The following TRPA1 variants were observed in gnomAD, a reference collection of about 807,000 sequenced individuals.
TRPA1 encodes the protein ankyrin-like with transmembrane domains 1.
In TRPA1, 129 loss-of-function variants were observed where a neutral mutation model predicts 131.3. The ratio of observed to expected loss-of-function variants is 0.98; its 90% CI spans 0.85 to 1.14. The LOEUF is 1.14. Among genes scored for constraint, TRPA1 ranks in the 50% most tolerant of loss-of-function variants. TRPA1 has a pLI of 0.00. For missense variants in TRPA1, 1,304 were observed against 1,354.2 expected (o/e 0.96, Z 0.58); for synonymous variants, 441 against 451.7 (o/e 0.98, Z 0.30).
intron 17 of TRPA1, among the ~76,000 whole-genome samples, chr8:72,043,151 C>G (rs1208458763): frequency 6.6e-6 from 1 of 151,850 alleles, no homozygotes; most frequent in Non-Finnish European, 1.5e-5. Flanking sequence ...TCTCACCACA[C>G]CTAAGCCTCA....
chr8:72,089,406 A>T, the TRPA1 span, among the ~76,000 whole-genome samples: 1 of 152,136 alleles, frequency 6.6e-6, no homozygotes, highest in Admixed American at 6.5e-5. Flanking sequence ...ACCACAAAAA[A>T]AAGTTCTTAT....
intron 13 of TRPA1, chr8:72,053,093 C>T: frequency 3.1e-6 from 1 of 326,966 alleles, no homozygotes; most frequent in South Asian, 2.8e-5. Flanking sequence ...TGGGATGATT[C>T]CACAAGGACA....
At chr8:72,088,502 C>A in the TRPA1 span, among the ~76,000 whole-genome samples, 1 of 147,470 alleles carries the variant, frequency 6.8e-6, no homozygotes, top group Non-Finnish European at 1.5e-5. Context: ...TATTCTGTTT[C>A]TTCCAAATCA....
Position 72,038,023 on chromosome 8 carries a change from A to G in TRPA1, c.2345T>C (p.Ile782Thr), listed in dbSNP as rs538808444. ...TCMILVFLSS[I>T]FGYCKEAGQI... Reference sequence around the variant, plus strand: ...CCCCGCTTCTTTGCAATACCCAAATATACTTGATAAAAACACTAAAATCAT... The same window carrying G: ...CCCCGCTTCTTTGCAATACCCAAATGTACTTGATAAAAACACTAAAATCAT... Residue 782 changes from isoleucine to threonine, a missense_variant, in exon 20 of 27, where the codon ATA (isoleucine) becomes ACA (threonine). Ile to Thr is a moderately conservative substitution (Grantham distance 89). Coordinates refer to ENST00000262209, the MANE Select transcript of TRPA1 (RefSeq NM_007332.3). 1.4e-5 allele frequency: 23 copies of G among 1,602,748 alleles called. 1 individual carries two copies. In the South Asian group the frequency reaches 2.3e-4, roughly 16 times the overall value.
At chr8:72,044,555 T>A (rs1162725806) in intron 17 of TRPA1, among the ~76,000 whole-genome samples, 1 of 151,946 alleles carries the variant, frequency 6.6e-6, no homozygotes, top group East Asian at 1.9e-4. Context: ...AAATAAAGTG[T>A]AAATAAGACA....
chr8:72,030,059 T>C (rs983894274), intron 23 of TRPA1, 90 bp from the exon 24 acceptor site: 47 of 1,192,646 alleles, frequency 3.9e-5, no homozygotes, highest in Middle Eastern at 3.8e-4. Flanking sequence ...CAGACTGCTG[T>C]GACAAAATAT....
chr8:72,074,002 G>A (rs772593843), intron 1 of TRPA1, among the ~76,000 whole-genome samples: 3 of 152,184 alleles, frequency 2.0e-5, no homozygotes, highest in East Asian at 1.9e-4. Flanking sequence ...ACACACAATT[G>A]GCAATAGTGC....
At chr8:72,057,625 C>T (rs1805702160) in intron 9 of TRPA1, 92 bp downstream of exon 9, 1 of 967,986 alleles carries the variant, frequency 1.0e-6, no homozygotes, top group Non-Finnish European at 1.7e-6. Flanking sequence ...TAGATGGTGG[C>T]ACACAATGAA....
chr8:72,052,944 G>T, intron 13 of TRPA1, 179 bp from the exon 14 acceptor site: 1 of 555,030 alleles, frequency 1.8e-6, no homozygotes. Context: ...CATGGTGTGT[G>T]TGCATGTGTG....
At chr8:72,085,517 C>T in the TRPA1 span, among the ~76,000 whole-genome samples, 1 of 151,230 alleles carries the variant, frequency 6.6e-6, no homozygotes, top group African/African-American at 2.4e-5. Context: ...ATATATTTAT[C>T]TTCTTTAATT....
At chr8:72,080,397 TC>T (rs972696704), upstream of TRPA1, among the ~76,000 whole-genome samples, 7 of 151,826 alleles carry the variant, frequency 4.6e-5, no homozygotes, top group African/African-American at 1.4e-4. Flanking sequence ...CATGTTTTTT[TC>T]TCACTTACAT....
chr8:72,075,225 G>T lies in TRPA1; in HGVS notation c.111+74C>A, dbSNP rs970330242. ...CCACGCTTTCTCCAAACCAAGGGCT[G>T]CCCCCAAGGAAACCTCCAGCCGACC... On this transcript the variant is annotated intron_variant, in intron 1 of 26. Transcript: ENST00000262209. 38 of 1,157,040 alleles carry T rather than the reference G, an allele frequency of 3.3e-5. No individual in the cohort carries two copies. In the African/African-American group the frequency reaches 5.4e-4, roughly 16 times the overall value. 71.7% of individuals were successfully genotyped at this position (1,157,040 alleles called of 1,614,324 possible). A position where few individuals can be genotyped will look rare whatever the true frequency, so the allele number is the denominator to read the frequency against.
At chr8:72,061,481 A>T (rs1585882103) in intron 7 of TRPA1, 144 bp downstream of exon 7, 3 of 897,072 alleles carry the variant, frequency 3.3e-6, no homozygotes, top group African/African-American at 1.7e-5. Context: ...ATTCCGGTTG[A>T]TCCACAGGGT....
intron 23 of TRPA1, among the ~76,000 whole-genome samples, chr8:72,031,986 T>G (rs1811842398): frequency 6.6e-6 from 1 of 152,204 alleles, no homozygotes; most frequent in Admixed American, 6.5e-5. Context: ...AGCTGAGTTT[T>G]GAAATCTTAG....
At chr8:72,059,501 A>T in intron 7 of TRPA1, 63 bp from the exon 8 acceptor site, 1 of 1,018,768 alleles carries the variant, frequency 9.8e-7, no homozygotes, top group South Asian at 1.5e-5. Context: ...AAATGTATTT[A>T]ATAAAGCTAC....
chr8:72,067,307 T>C (rs559521988), intron 3 of TRPA1, among the ~76,000 whole-genome samples: 2 of 152,278 alleles, frequency 1.3e-5, no homozygotes, highest in South Asian at 2.1e-4. Flanking sequence ...TTCTCCTCCT[T>C]CTATTCCTGT....
Position 72,033,675 on chromosome 8 carries a change from A to G in TRPA1, c.2837T>C (p.Ile946Thr). The change falls in exon 23 of 27, where the codon ATA becomes ACA. Residue 946 changes from isoleucine (I) to threonine (T), a missense_variant. Transcript: ENST00000262209. Reference protein sequence around the residue: ...LSFAQLVSFTIFVPIVLMNLL... With the variant: ...LSFAQLVSFTTFVPIVLMNLL... The stretch of plus-strand genomic sequence containing the variant: ...ATTCATGAGGACAATTGGGACAAAT[A>G]TTGTGAAGGAAACAAGTTGTGCAAA... 1.2e-6 allele frequency: 2 copies of G among 1,614,026 alleles called. No homozygotes were observed. Among genetic ancestry groups the G allele is most frequent in the Non-Finnish European group, 1.7e-6 (2 of 1,179,936 alleles).
rs1288089653 is a variant in TRPA1, at chr8:72,026,007, A to C, written c.3004T>G (p.Ser1002Ala). The change falls in exon 25 of 27, where the codon TCC becomes GCC. Residue 1002 changes from serine to alanine, a missense_variant. Physicochemically the swap from Ser to Ala is moderately conservative, Grantham distance 99 (BLOSUM62 1). Transcript: ENST00000262209. ...LWFLRKVDQK[S>A]TIVYPNKPRS... ...GGTTTGTTGGGATACACGATGGTGG[A>C]TTTCTGATCCACTTTGCGTAGAAAC... 6.2e-7 allele frequency: 1 copy of C among 1,613,988 alleles called. No homozygotes were observed. The highest frequency in any genetic ancestry group is 2.2e-5 in the East Asian group (1 of 44,884).
intron 15 of TRPA1, among the ~76,000 whole-genome samples, chr8:72,048,589 G>A (rs528931446): frequency 7.2e-5 from 11 of 152,186 alleles, no homozygotes; most frequent in Admixed American, 2.6e-4. Context: ...AATAATCAAC[G>A]TGTGCAAAAT....
Sources: gnomAD v4.1 joint callset for allele counts (sites outside exome capture counted in the v4.1 genomes callset) on GRCh38, gnomAD v4.1.1 for gene constraint, MANE v1.5 for transcripts, NCBI Gene and HGNC (gene_info 2026-07-23, HGNC 2026-07-21) for gene names.